Variants in SND1 observed in about 807,000 individuals in gnomAD.
The protein encoded by SND1 is staphylococcal nuclease and tudor domain containing 1, also known as staphylococcal nuclease domain-containing protein 1.
Under a neutral mutation model 121.7 loss-of-function variants are expected in SND1, and 38 were observed. That is an observed-to-expected ratio of 0.31 (90% CI 0.24 to 0.41). The LOEUF is 0.41. Ranked by LOEUF, SND1 falls within the 10% of genes least tolerant of loss-of-function variation. The probability of loss-of-function intolerance (pLI) is 1.00; values close to 1 mark genes in which losing one functional copy is unlikely to be tolerated. For missense variants in SND1, 868 were observed against 1,184.6 expected (o/e 0.73, Z 3.92); for synonymous variants, 401 against 447.4 (o/e 0.90, Z 1.31).
rs188801820 is a variant in SND1, at chr7:127,786,483, G to A, written c.1153-21001G>A. Among the ~76,000 whole-genome samples the A allele has an allele frequency of 1.4e-3, 209 of 152,276 alleles. 1 individual carries two copies. Among genetic ancestry groups the A allele is most frequent in the South Asian group, 2.1e-3 (10 of 4,826 alleles). On this transcript the variant is annotated intron_variant, in intron 10 of 23. Transcript: ENST00000354725. ...GTTCTAAAGAGTTAAAATAAGCCATGGAGATCAGGATTTGGGGTAACAGCC... is the reference window on the plus strand; with the variant it reads ...GTTCTAAAGAGTTAAAATAAGCCATAGAGATCAGGATTTGGGGTAACAGCC...
At chr7:127,884,747 AATCC>A (rs1440784953) in intron 12 of SND1, among the ~76,000 whole-genome samples, 1 of 151,982 alleles carries the variant, frequency 6.6e-6, no homozygotes, top group East Asian at 1.9e-4. Context: ...TTGCACATCT[AATCC>A]TTCTTGGCAC....
chr7:128,004,864 T>C (rs915890871), intron 16 of SND1, among the ~76,000 whole-genome samples: 4 of 152,246 alleles, frequency 2.6e-5, no homozygotes, highest in Non-Finnish European at 5.9e-5. Context: ...CCTCTAACAT[T>C]TGGACCCAGG....
chr7:127,744,386 CT>C (rs777523017), intron 10 of SND1, among the ~76,000 whole-genome samples: 2 of 151,954 alleles, frequency 1.3e-5, no homozygotes, highest in Non-Finnish European at 2.9e-5. Flanking sequence ...AAGCAGGGTA[CT>C]TTATAATGAA....
intron 17 of SND1, among the ~76,000 whole-genome samples, chr7:128,078,319 C>T (rs1312439070): frequency 6.6e-6 from 1 of 152,264 alleles, no homozygotes; most frequent in African/African-American, 2.4e-5. Context: ...GGCTGCACTG[C>T]CTGAAGGGCC....
chr7:127,721,185 C>CT, intron 9 of SND1, 102 bp from the exon 10 acceptor site: 1 of 672,780 alleles, frequency 1.5e-6, no homozygotes. Context: ...CCACAAATGG[C>CT]TATTGATCTC....
chr7:128,035,805 A>G (rs961423331), intron 16 of SND1, among the ~76,000 whole-genome samples: 5 of 152,196 alleles, frequency 3.3e-5, no homozygotes, highest in African/African-American at 1.2e-4. Context: ...GGTCATCTAG[A>G]GGACCCAGGA....
At chr7:127,863,595 A>G (rs1276904356) in intron 12 of SND1, among the ~76,000 whole-genome samples, 1 of 152,226 alleles carries the variant, frequency 6.6e-6, no homozygotes, top group Non-Finnish European at 1.5e-5. Flanking sequence ...TCGTAAAACA[A>G]TAGCTAACTT....
At chr7:127,718,487 C>A in intron 9 of SND1, 1 of 744,378 alleles carries the variant, frequency 1.3e-6, no homozygotes, top group Non-Finnish European at 1.6e-6. Flanking sequence ...TACACACACG[C>A]GGACACGCAC....
chr7:127,844,394 G>C lies in SND1; in HGVS notation c.1313G>C (p.Arg438Pro). 6.2e-7 allele frequency: 1 copy of C among 1,613,496 alleles called. No individual in the cohort carries two copies. Among genetic ancestry groups the C allele is most frequent in the Non-Finnish European group, 8.5e-7 (1 of 1,179,708 alleles). ...ATETVPAFSERTCATVTIGGI... is the reference protein window; with the variant it reads ...ATETVPAFSEPTCATVTIGGI... Reference sequence around the variant, plus strand: ...GAGACAGTGCCTGCCTTTTCAGAGCGTACCTGTGCCACTGTCACCATTGGA... The same window carrying C: ...GAGACAGTGCCTGCCTTTTCAGAGCCTACCTGTGCCACTGTCACCATTGGA... The change falls in exon 12 of 24, where the codon CGT (arginine) becomes CCT (proline). Residue 438 changes from arginine to proline, a missense_variant. Physicochemically the swap from Arg to Pro is moderately radical, Grantham distance 103. Coordinates refer to ENST00000354725, the MANE Select transcript of SND1 (RefSeq NM_014390.4).
chr7:127,759,910 C>T (rs934706939), intron 10 of SND1, among the ~76,000 whole-genome samples: 1 of 152,210 alleles, frequency 6.6e-6, no homozygotes, highest in South Asian at 2.1e-4. Flanking sequence ...AACAAACTGT[C>T]GCATTTCTGC....
intron 16 of SND1, chr7:127,997,339 T>TC (rs1182651707): frequency 1.6e-5 from 3 of 184,532 alleles, no homozygotes; most frequent in Non-Finnish European, 3.5e-5. Flanking sequence ...TCCCTGAAGG[T>TC]CCCACATTGA....
chr7:127,680,725 C>T (rs1262960153), intron 1 of SND1, among the ~76,000 whole-genome samples: 2 of 150,502 alleles, frequency 1.3e-5, no homozygotes, highest in African/African-American at 2.5e-5. Flanking sequence ...GTACAGTTAA[C>T]GCAATCATCA....
intron 16 of SND1, among the ~76,000 whole-genome samples, chr7:128,051,155 C>G (rs973142142): frequency 6.6e-6 from 1 of 152,224 alleles, no homozygotes; most frequent in Non-Finnish European, 1.5e-5. Context: ...TCCTCCTGGA[C>G]AGTGTCACCA....
At chr7:127,905,776 A>AGATGCCCAGGGGAGAT (rs1226900519) in intron 14 of SND1, among the ~76,000 whole-genome samples, 2 of 152,186 alleles carry the variant, frequency 1.3e-5, no homozygotes, top group African/African-American at 4.8e-5. Context: ...TGCATAGGGA[A>AGATGCCCAGGGGAGAT]GATGCCCAGG....
At chr7:127,770,985 A>G (rs902566684) in intron 10 of SND1, among the ~76,000 whole-genome samples, 10 of 152,168 alleles carry the variant, frequency 6.6e-5, no homozygotes, top group African/African-American at 2.4e-4. Context: ...GTACACTGAT[A>G]TCTCGTTGGC....
At chr7:128,027,029 G>A (rs1008213141) in intron 16 of SND1, 12 of 152,126 alleles carry the variant, frequency 7.9e-5, no homozygotes, top group Non-Finnish European at 1.8e-4. Context: ...AGAATCTATA[G>A]GTTCAGGGTC....
rs183999617 is a variant in SND1 at position 127,904,842 on chromosome 7, G to A, written c.1527+23G>A. The A allele has an allele frequency of 1.6e-3, 2,365 of 1,475,818 alleles. 5 individuals carry two copies. Among genetic ancestry groups the A allele is most frequent in the Non-Finnish European group, 1.6e-3 (1,648 of 1,053,990 alleles). 91.4% of individuals were successfully genotyped at this position (1,475,818 alleles called of 1,614,324 possible). A position where few individuals can be genotyped will look rare whatever the true frequency, so the allele number is the denominator to read the frequency against. Reference sequence around the variant, plus strand: ...GGGGTGAGTCGAGTCCCTGAATCAAGCTGTGTGGCTCAGAGGCTCAAGAGC... The same window carrying A: ...GGGGTGAGTCGAGTCCCTGAATCAAACTGTGTGGCTCAGAGGCTCAAGAGC... On this transcript the variant is annotated intron_variant, in intron 14 of 23. Transcript: ENST00000354725.
chr7:127,720,544 C>T (rs1483360658), intron 9 of SND1, among the ~76,000 whole-genome samples: 1 of 152,210 alleles, frequency 6.6e-6, no homozygotes, highest in South Asian at 2.1e-4. Context: ...GTTCTAATAA[C>T]CTTCACAGAG....
rs534532489 is a variant in SND1, at chr7:127,793,571, C to T, written c.1153-13913C>T. ...AAAGGTAAGGGTTTCATTGTCACAA[C>T]GCAATGGTGATAGGATTGACATAAA... On this transcript the variant is annotated intron_variant, in intron 10 of 23. Coordinates refer to ENST00000354725, the MANE Select transcript of SND1 (RefSeq NM_014390.4). Among the ~76,000 whole-genome samples, 112 of 152,098 alleles carry T rather than the reference C, an allele frequency of 7.4e-4. 1 individual carries two copies. Among genetic ancestry groups the T allele is most frequent in the East Asian group, 3.1e-3 (16 of 5,188 alleles).
Sources: gnomAD v4.1 joint callset for allele counts (sites outside exome capture counted in the v4.1 genomes callset) on GRCh38, gnomAD v4.1.1 for gene constraint, MANE v1.5 for transcripts, NCBI Gene and HGNC (gene_info 2026-07-23, HGNC 2026-07-21) for gene names.